Variants in ANKRD30BL observed in about 807,000 individuals in gnomAD.
The protein encoded by ANKRD30BL is putative ankyrin repeat domain-containing protein 30B-like.
In ANKRD30BL, 20 loss-of-function variants were observed where a neutral mutation model predicts 18.4. The ratio of observed to expected loss-of-function variants is 1.09; its 90% CI spans 0.77 to 1.58. ANKRD30BL has a LOEUF of 1.58. Ranked by LOEUF, ANKRD30BL falls within the 40% of genes most tolerant of loss-of-function variation. The pLI, the probability that ANKRD30BL is intolerant of heterozygous loss-of-function variation, is 0.00. For missense variants in ANKRD30BL, 224 were observed against 268.6 expected (o/e 0.83, Z 1.16); for synonymous variants, 72 against 100.9 (o/e 0.71, Z 1.72).
At chr2:132,168,733 A>G (rs1470522126) in intron 1 of ANKRD30BL, among the ~76,000 whole-genome samples, 3 of 152,096 alleles carry the variant, frequency 2.0e-5, no homozygotes, top group African/African-American at 7.2e-5. Context: ...ATACAAGCAC[A>G]CATAGACACA....
chr2:132,198,071 A>G (rs1679000397), intron 1 of ANKRD30BL, among the ~76,000 whole-genome samples: 1 of 152,042 alleles, frequency 6.6e-6, no homozygotes, highest in South Asian at 2.1e-4. Flanking sequence ...ATATATCTAC[A>G]ATCACAGCTC....
intron 1 of ANKRD30BL, among the ~76,000 whole-genome samples, chr2:132,157,839 T>C (rs184165611): frequency 3.6e-4 from 55 of 152,316 alleles, no homozygotes; most frequent in African/African-American, 1.3e-3. Flanking sequence ...AGCTCAGTAA[T>C]TGATAGATAA....
intron 1 of ANKRD30BL, among the ~76,000 whole-genome samples, chr2:132,235,374 A>G (rs535000093): frequency 7.2e-5 from 11 of 152,164 alleles, no homozygotes; most frequent in Non-Finnish European, 1.3e-4. Context: ...AGAGTATTCA[A>G]TTATGAAAAG....
chr2:132,161,685 G>C lies in ANKRD30BL; in HGVS notation c.21C>G (p.Ala7=). 6.9e-7 allele frequency: 1 copy of C among 1,447,908 alleles called. No individual in the cohort carries two copies. The allele number at this position is 1,447,908 out of a possible 1,614,324, so 89.7% of individuals were successfully genotyped here. ...CTGGGCCCGTCTGGCCCTTGACAGG[G>C]GCGGCAGAGAGCCTCTCCATGGCTG... MERLSA[A]PVKGQTGPER... The change falls in exon 1 of 6, where the codon GCC becomes GCG. Residue 7 remains alanine (A), a synonymous_variant. Coordinates refer to ENST00000409867, the MANE Select transcript of ANKRD30BL (RefSeq NM_001358416.1).
intron 1 of ANKRD30BL, among the ~76,000 whole-genome samples, chr2:132,221,660 G>A (rs1344980680): frequency 2.6e-4 from 32 of 122,058 alleles, no homozygotes; most frequent in Non-Finnish European, 3.3e-4. Flanking sequence ...TCAGCCCCCC[G>A]CCCGGCCAGC....
At chr2:132,175,765 A>G (rs1421523703) in intron 1 of ANKRD30BL, among the ~76,000 whole-genome samples, 5 of 152,222 alleles carry the variant, frequency 3.3e-5, no homozygotes, top group Non-Finnish European at 7.3e-5. Context: ...GAGAATGGCG[A>G]TGACTTTTAC....
chr2:132,256,373 C>T (rs560228312), intron 1 of ANKRD30BL, among the ~76,000 whole-genome samples: 2 of 151,938 alleles, frequency 1.3e-5, no homozygotes, highest in East Asian at 2.0e-4. Flanking sequence ...CAAAACCCCC[C>T]GACGGGCTCA....
chr2:132,217,411 C>T (rs1291594769), intron 1 of ANKRD30BL, among the ~76,000 whole-genome samples: 1 of 151,568 alleles, frequency 6.6e-6, no homozygotes, highest in East Asian at 1.9e-4. Context: ...AGATTTGAGA[C>T]CTATGGTTGA....
intron 1 of ANKRD30BL, among the ~76,000 whole-genome samples, chr2:132,161,115 C>G (rs1688044853): frequency 1.1e-4 from 1 of 8,870 alleles, no homozygotes; most frequent in Non-Finnish European, 1.7e-4. Flanking sequence ...CATAATGTAT[C>G]TAACATCTTT....
intron 1 of ANKRD30BL, among the ~76,000 whole-genome samples, chr2:132,236,983 G>A (rs1159206654): frequency 6.6e-6 from 1 of 151,750 alleles, no homozygotes; most frequent in Non-Finnish European, 1.5e-5. Context: ...TAGGGACATG[G>A]ATGAAATTGG....
intron 1 of ANKRD30BL, among the ~76,000 whole-genome samples, chr2:132,228,482 A>T (rs1264919878): frequency 6.6e-6 from 1 of 151,238 alleles, no homozygotes; most frequent in Non-Finnish European, 1.5e-5. Flanking sequence ...TGATGTGTGC[A>T]TTCATCTCAC....
chr2:132,222,113 C>T (rs868680591), intron 1 of ANKRD30BL, among the ~76,000 whole-genome samples: 15 of 148,720 alleles, frequency 1.0e-4, no homozygotes, highest in South Asian at 4.2e-4. Flanking sequence ...CCCGGCCAGC[C>T]GCCCTATCTG....
rs576257497 is a variant in ANKRD30BL at position 132,250,753 on chromosome 2, T to C, written n.441+6776A>G. ...TTTCACAATACTGAACTACTTATGT[T>C]TCTGATTCCTTATTTTTTCTTTTTA... On this transcript the variant is annotated intron_variant and non_coding_transcript_variant, in intron 1 of 4. Transcript: ENST00000470729. Among the ~76,000 whole-genome samples the C allele has an allele frequency of 2.0e-5, 3 of 152,330 alleles. No individual in the cohort carries two copies. The South Asian group carries it at 6.2e-4, about 32-fold the overall frequency.
intron 1 of ANKRD30BL, among the ~76,000 whole-genome samples, chr2:132,213,383 T>C (rs559006989): frequency 5.5e-4 from 84 of 152,022 alleles, no homozygotes; most frequent in African/African-American, 1.6e-3. Context: ...GTTGAACCTT[T>C]CTTTTGACTG....
intron 1 of ANKRD30BL, among the ~76,000 whole-genome samples, chr2:132,161,189 A>T (rs1251566866): frequency 6.6e-6 from 1 of 151,568 alleles, no homozygotes; most frequent in African/African-American, 2.4e-5. Flanking sequence ...AATCACTTTA[A>T]AATTCTCTAC....
chr2:132,176,646 C>T lies in ANKRD30BL; in HGVS notation n.442-19500G>A, dbSNP rs117698793. On this transcript the variant is annotated intron_variant and non_coding_transcript_variant, in intron 1 of 4. Transcript: ENST00000470729. ...AAAAAGACAAAAACAAAAAAAAAGC[C>T]GTGTGTGGCTGGTGCCTGCCTGTGA... is the stretch of plus-strand genomic sequence containing the variant. Among the ~76,000 whole-genome samples the T allele has an allele frequency of 1.4e-4, 21 of 152,096 alleles. 2 individuals are homozygous for T. In the East Asian group the frequency reaches 3.5e-3, roughly 25 times the overall value.
chr2:132,158,083 G>A (rs1246219385), intron 1 of ANKRD30BL, among the ~76,000 whole-genome samples: 7 of 152,048 alleles, frequency 4.6e-5, no homozygotes, highest in Non-Finnish European at 4.4e-5. Context: ...TAAATAAGGA[G>A]GCATCACACA....
intron 1 of ANKRD30BL, among the ~76,000 whole-genome samples, chr2:132,245,877 C>G (rs1283088908): frequency 6.6e-6 from 1 of 150,788 alleles, no homozygotes; most frequent in Admixed American, 6.6e-5. Flanking sequence ...TTTTATAGAG[C>G]AATTGGAAAC....
intron 1 of ANKRD30BL, among the ~76,000 whole-genome samples, chr2:132,204,167 T>C (rs1679164383): frequency 6.6e-6 from 1 of 152,010 alleles, no homozygotes; most frequent in Admixed American, 6.6e-5. Context: ...TAAAAAATGG[T>C]CTAAGCAGAC....
Sources: allele counts gnomAD v4.1 joint callset (sites outside exome capture counted in the v4.1 genomes callset), GRCh38; gene constraint gnomAD v4.1.1; transcripts MANE v1.5; gene names NCBI Gene and HGNC (gene_info 2026-07-23, HGNC 2026-07-21).